Variants in DHRS1 observed in about 807,000 individuals in gnomAD.
The protein encoded by DHRS1 is dehydrogenase/reductase 1, also known as dehydrogenase/reductase SDR family member 1.
A neutral mutation model predicts 35.2 loss-of-function variants in DHRS1; 34 were observed. That is an observed-to-expected ratio of 0.97 (90% CI 0.74 to 1.29). The LOEUF (loss-of-function observed/expected upper bound fraction) is 1.29. Ranked by LOEUF, DHRS1 falls within the 50% of genes most tolerant of loss-of-function variation. The pLI is 0.00. For missense variants in DHRS1, 354 were observed against 403.6 expected (o/e 0.88, Z 1.05); for synonymous variants, 133 against 160.0 (o/e 0.83, Z 1.27).
At position 24,290,967 on chromosome 14, in the gene DHRS1, C is replaced by A; in HGVS notation, c.834G>T (p.Leu278Phe). The A allele has an allele frequency of 1.2e-6, 2 of 1,614,094 alleles. No individual in the cohort carries two copies. The highest frequency in any genetic ancestry group is 2.2e-5 in the East Asian group (1 of 44,872). Residue 278 changes from leucine (L) to phenylalanine (F), a missense_variant, in exon 9 of 9, where the codon TTG becomes TTT. Coordinates refer to ENST00000288111, the MANE Select transcript of DHRS1 (RefSeq NM_001136050.3). ...CGGACACGTGTGAGAGAACAGAGCT[C>A]AAAGACAAATAGTCTTGGACGGGGC... ...DGRPVQDYLSLSSVLSHVSGL... is the reference protein window; with the variant it reads ...DGRPVQDYLSFSSVLSHVSGL...
At chr14:24,296,669 G>T in intron 3 of DHRS1, 69 bp downstream of exon 3, 1 of 1,613,584 alleles carries the variant, frequency 6.2e-7, no homozygotes, top group Non-Finnish European at 8.5e-7. Context: ...ACAATGAGTG[G>T]GGATGAAGAT....
intron 6 of DHRS1, 151 bp downstream of exon 6, chr14:24,292,033 T>C: frequency 9.8e-7 from 1 of 1,016,082 alleles, no homozygotes; most frequent in Non-Finnish European, 1.5e-6. Context: ...GGTATCTCCC[T>C]TACAGGATTA....
At chr14:24,291,883 G>C in intron 6 of DHRS1, 1 of 604,698 alleles carries the variant, frequency 1.7e-6, no homozygotes, top group Non-Finnish European at 2.9e-6. Context: ...AATAGTGTTT[G>C]GACCTTCTAA....
chr14:24,292,709 G>A lies in DHRS1; in HGVS notation c.450C>T (p.Ser150=). 6.2e-7 allele frequency: 1 copy of A among 1,614,220 alleles called. No individual in the cohort carries two copies. Among genetic ancestry groups the A allele is most frequent in the Non-Finnish European group, 8.5e-7 (1 of 1,180,036 alleles). Reference sequence around the variant, plus strand: ...ACATATACTGCAGGCTTCCTGGGGAGGAGATGACCACGATGAGCCCCTGGC... The same window carrying A: ...ACATATACTGCAGGCTTCCTGGGGAAGAGATGACCACGATGAGCCCCTGGC... ...PAGQGLIVVI[S]SPGSLQYMFN... The change falls in exon 5 of 9, where the codon TCC becomes TCT. Residue 150 remains serine, a synonymous_variant. Coordinates refer to ENST00000288111, the MANE Select transcript of DHRS1 (RefSeq NM_001136050.3).
chr14:24,292,273 C>T lies in DHRS1; in HGVS notation c.565G>A (p.Val189Met), dbSNP rs757661557. 1 of 1,614,196 alleles carries T rather than the reference C, an allele frequency of 6.2e-7. No homozygotes were observed. Among genetic ancestry groups the T allele is most frequent in the East Asian group, 2.2e-5 (1 of 44,886 alleles). ...HELRRHGVSC[V>M]SLWPGIVQTE... is the part of the protein sequence containing the mutation. ...TGCACAATCCCCGGCCACAGAGACA[C>T]ACAGCTGACCCCATGGCGCCGCAGC... is the stretch of plus-strand genomic sequence containing the variant. The change falls in exon 6 of 9, where the codon GTG becomes ATG. Residue 189 changes from valine to methionine, a missense_variant. Coordinates refer to ENST00000288111, the MANE Select transcript of DHRS1 (RefSeq NM_001136050.3).
At chr14:24,299,302 G>A (rs1417480456) in intron 1 of DHRS1, 172 bp from the exon 2 acceptor site, 12 of 591,212 alleles carry the variant, frequency 2.0e-5, no homozygotes, top group Non-Finnish European at 3.5e-5. Context: ...TGAGGACAAG[G>A]CTGACTGTCT....
rs1040694859 is a variant in DHRS1, at chr14:24,299,012, G to C, written c.95C>G (p.Ala32Gly). The part of the protein sequence containing the change: ...GIALQLCKAG[A>G]TVYITGRHLD... ...ATGGCGGCCAGTGATGTAAACTGTG[G>C]CGCCTGCTTTGCAGAGCTGCAAGGC... The change falls in exon 2 of 9, where the codon GCC becomes GGC. Residue 32 changes from alanine (A) to glycine (G), a missense_variant. Physicochemically the swap from Ala to Gly is moderately conservative, Grantham distance 60. Transcript: ENST00000288111. The C allele has an allele frequency of 1.2e-6, 2 of 1,613,874 alleles. No homozygotes were observed. The highest frequency in any genetic ancestry group is 1.3e-5 in the African/African-American group (1 of 74,936).
intron 4 of DHRS1, chr14:24,293,687 C>T (rs1389709153): frequency 6.6e-6 from 1 of 151,904 alleles, no homozygotes; most frequent in African/African-American, 2.4e-5. Context: ...CCTGCTGTCA[C>T]CCATATTAAA....
chr14:24,292,927 AG>A (rs2041189100), intron 4 of DHRS1, 143 bp from the exon 5 acceptor site: 2 of 985,752 alleles, frequency 2.0e-6, no homozygotes, highest in Admixed American at 3.6e-5. Flanking sequence ...CTGAGGAATT[AG>A]GGGCTTGAGG....
intron 4 of DHRS1, chr14:24,294,538 G>C (rs1251826378): frequency 6.6e-6 from 1 of 152,110 alleles, no homozygotes; most frequent in Non-Finnish European, 1.5e-5. Context: ...GCAGTGAGCT[G>C]AGATTGCACA....
intron 6 of DHRS1, 182 bp from the exon 7 acceptor site, chr14:24,291,807 G>T (rs1027755781): frequency 1.5e-6 from 1 of 656,050 alleles, no homozygotes; most frequent in Non-Finnish European, 2.7e-6. Flanking sequence ...CCCACATCCA[G>T]GTGAGCCCTG....
At chr14:24,296,436 T>C (rs146498796) in intron 4 of DHRS1, 73 bp downstream of exon 4, 10 of 1,422,572 alleles carry the variant, frequency 7.0e-6, no homozygotes, top group African/African-American at 4.2e-5. Context: ...GGAGAGGGCA[T>C]GTAAGGAAAG....
rs2041142445 is a variant in DHRS1 at position 24,290,688 on chromosome 14, C to T, written c.*171G>A. The T allele has an allele frequency of 5.7e-6, 4 of 704,066 alleles. No homozygotes were observed. Among genetic ancestry groups the T allele is most frequent in the Non-Finnish European group, 9.3e-6 (4 of 431,498 alleles). The allele number at this position is 704,066 out of a possible 1,614,324, so 43.6% of individuals were successfully genotyped here. On this transcript the variant is annotated 3_prime_UTR_variant, in exon 9 of 9. Coordinates refer to ENST00000288111, the MANE Select transcript of DHRS1 (RefSeq NM_001136050.3). The stretch of plus-strand genomic sequence containing the variant: ...AAGAAGGACAAGGAAAACCAAGGCA[C>T]AAAGAAGGGACCTAGGCGCACCCCA...
intron 7 of DHRS1, 160 bp from the exon 8 acceptor site, chr14:24,291,379 C>T (rs1566400440): frequency 2.9e-6 from 3 of 1,047,560 alleles, no homozygotes; most frequent in Non-Finnish European, 4.4e-6. Flanking sequence ...TTCCCAGGAG[C>T]CTGCTCCTAA....
chr14:24,291,500 A>G, intron 7 of DHRS1, 56 bp downstream of exon 7: 11 of 1,555,292 alleles, frequency 7.1e-6, no homozygotes, highest in Non-Finnish European at 9.8e-6. Flanking sequence ...ACTGGATGCT[A>G]CCGCACTACA....
In DHRS1 at chr14:24,292,291, G is replaced by A. The variant is rs780120437; in HGVS notation, c.547C>T (p.Arg183Cys). ...AGAGACACACAGCTGACCCCATGGC[G>A]CCGCAGCTCGTGGGCACAGTCAGCA... Reference protein sequence around the residue: ...LAADCAHELRRHGVSCVSLWP... With the variant: ...LAADCAHELRCHGVSCVSLWP... Residue 183 changes from arginine to cysteine, a missense_variant, in exon 6 of 9, where the codon CGC (arginine) becomes TGC (cysteine). By Grantham distance (180) the Arg-to-Cys change is radical. Transcript: ENST00000288111. 33 of 1,613,966 alleles carry A rather than the reference G, an allele frequency of 2.0e-5. 1 individual carries two copies. The highest frequency in any genetic ancestry group is 1.6e-4 in the Middle Eastern group (1 of 6,062).
In DHRS1 at chr14:24,299,001, T is replaced by C. The variant is rs765050876; in HGVS notation, c.106A>G (p.Ile36Val). The change falls in exon 2 of 9, where the codon ATC (isoleucine) becomes GTC (valine). Residue 36 changes from isoleucine (I) to valine (V), a missense_variant. Ile to Val is a conservative substitution (Grantham distance 29, BLOSUM62 3). Coordinates refer to ENST00000288111, the MANE Select transcript of DHRS1 (RefSeq NM_001136050.3). ...AGGGTGTCCAGATGGCGGCCAGTGATGTAAACTGTGGCGCCTGCTTTGCAG... is the reference window on the plus strand; with the variant it reads ...AGGGTGTCCAGATGGCGGCCAGTGACGTAAACTGTGGCGCCTGCTTTGCAG... ...QLCKAGATVY[I>V]TGRHLDTLRV... 1.2e-6 allele frequency: 2 copies of C among 1,613,894 alleles called. No individual in the cohort carries two copies. Among genetic ancestry groups the C allele is most frequent in the East Asian group, 4.5e-5 (2 of 44,878 alleles).
Position 24,290,878 on chromosome 14 carries a change from A to C in DHRS1, c.923T>G (p.Leu308Arg), listed in dbSNP as rs2041145931. 6.2e-7 allele frequency: 1 copy of C among 1,613,764 alleles called. No individual in the cohort carries two copies. The highest frequency in any genetic ancestry group is 1.7e-5 in the Admixed American group (1 of 59,970). Residue 308 changes from leucine to arginine, a missense_variant, in exon 9 of 9, where the codon CTC becomes CGC. Coordinates refer to ENST00000288111, the MANE Select transcript of DHRS1 (RefSeq NM_001136050.3). Reference protein sequence around the residue: ...FLRVPKWIIALYTSKF With the variant: ...FLRVPKWIIARYTSKF ...GGAGGGTTAGAACTTGCTAGTGTAG[A>C]GGGCAATAATCCACTTGGGCACACG...
intron 1 of DHRS1, 172 bp downstream of exon 1, chr14:24,299,409 A>C: frequency 3.5e-6 from 1 of 289,140 alleles, no homozygotes; most frequent in Non-Finnish European, 6.5e-6. Context: ...GGATATGGGA[A>C]TCTGGCGCGG....
Sources: gnomAD v4.1 joint callset for allele counts on GRCh38, gnomAD v4.1.1 for gene constraint, MANE v1.5 for transcripts, NCBI Gene and HGNC (gene_info 2026-07-23, HGNC 2026-07-21) for gene names.